ROBO1: variants seen among roughly 807,000 people sequenced by gnomAD.
The protein encoded by ROBO1 is roundabout homolog 1.
Under a neutral mutation model 195.9 loss-of-function variants are expected in ROBO1, and 149 were observed. That is an observed-to-expected ratio of 0.76 (90% CI 0.67 to 0.87). The LOEUF is 0.87. Among genes scored for constraint, ROBO1 ranks in the 40% least tolerant of loss-of-function variants. The pLI is 0.00. For synonymous variants in ROBO1, 816 were observed against 733.2 expected (o/e 1.11, Z -1.82); for missense variants, 1,933 against 2,068.3 (o/e 0.93, Z 1.27).
At chr3:78,819,036 C>T (rs775224332) in intron 4 of ROBO1, among the ~76,000 whole-genome samples, 4 of 152,100 alleles carry the variant, frequency 2.6e-5, no homozygotes, top group African/African-American at 7.2e-5. Context: ...GGGTTTGGTA[C>T]TATCTGCCGT....
Position 78,908,303 on chromosome 3 carries a change from C to G in ROBO1, c.499+30298G>C, listed in dbSNP as rs138205851. ...CTAATTTTTTACCAACATAACCTAC[C>G]ATCAAGAAAACCAGCTATTTCCCAC... On this transcript the variant is annotated intron_variant, in intron 4 of 30. Coordinates refer to ENST00000464233, the MANE Select transcript of ROBO1 (RefSeq NM_002941.4). Among the ~76,000 whole-genome samples, 601 of 151,968 alleles carry G rather than the reference C, an allele frequency of 4.0e-3. 13 individuals are homozygous for G. Among genetic ancestry groups the G allele is most frequent in the African/African-American group, 0.012 (517 of 41,514 alleles).
intron 2 of ROBO1, among the ~76,000 whole-genome samples, chr3:79,283,845 C>A (rs1032102265): frequency 6.6e-6 from 1 of 151,526 alleles, no homozygotes; most frequent in Non-Finnish European, 1.5e-5. Flanking sequence ...CTACAGGCGC[C>A]CGCTACCACG....
chr3:79,731,103 C>T (rs1318929831), intron 1 of ROBO1, among the ~76,000 whole-genome samples: 3 of 152,028 alleles, frequency 2.0e-5, no homozygotes, highest in Non-Finnish European at 2.9e-5. Flanking sequence ...TTTAAAATAA[C>T]GGTGATAGTC....
chr3:78,606,958 C>T lies in ROBO1; in HGVS notation c.4519G>A (p.Val1507Met). The change falls in exon 29 of 31, where the codon GTG becomes ATG. Residue 1507 changes from valine (V) to methionine (M), a missense_variant. Val to Met is a conservative substitution (Grantham distance 21). Coordinates refer to ENST00000464233, the MANE Select transcript of ROBO1 (RefSeq NM_002941.4). ...SKTQLEVRPV[V>M]VPKLPSMDAR... ...TCCATAGAAGGGAGTTTTGGCACCA[C>T]TACAGGTCGTACTTCCAGCTGTGTC... 1 of 1,613,880 alleles carries T rather than the reference C, an allele frequency of 6.2e-7. No individual in the cohort carries two copies. The highest frequency in any genetic ancestry group is 8.5e-7 in the Non-Finnish European group (1 of 1,179,868).
chr3:79,273,322 A>G (rs1390071375), intron 2 of ROBO1, among the ~76,000 whole-genome samples: 1 of 152,094 alleles, frequency 6.6e-6, no homozygotes, highest in Non-Finnish European at 1.5e-5. Flanking sequence ...ACATAATGTA[A>G]TAAGATATAA....
chr3:78,680,768 A>C lies in ROBO1; in HGVS notation c.1342+4978T>G, dbSNP rs1006518930. On this transcript the variant is annotated intron_variant, in intron 10 of 30. Coordinates refer to ENST00000464233, the MANE Select transcript of ROBO1 (RefSeq NM_002941.4). ...AACTAGTTCAACCATTGTGGAAGTC[A>C]GTGTGGCGATTCCTCAGGGATCTAG... Among the ~76,000 whole-genome samples the C allele has an allele frequency of 3.6e-3, 533 of 146,798 alleles. 8 individuals are homozygous for C. Among genetic ancestry groups the C allele is most frequent in the African/African-American group, 0.012 (484 of 38,772 alleles).
At chr3:79,020,778 T>C (rs2078084375) in intron 3 of ROBO1, among the ~76,000 whole-genome samples, 1 of 152,106 alleles carries the variant, frequency 6.6e-6, no homozygotes, top group African/African-American at 2.4e-5. Context: ...AATTAATATC[T>C]ACAGAGTTGT....
At chr3:79,608,437 CTA>C (rs1170811427) in intron 1 of ROBO1, among the ~76,000 whole-genome samples, 1 of 151,956 alleles carries the variant, frequency 6.6e-6, no homozygotes, top group Non-Finnish European at 1.5e-5. Context: ...GAAAGTGTCA[CTA>C]TGAGTATGAG....
chr3:79,665,941 C>G (rs1946464497), intron 1 of ROBO1, among the ~76,000 whole-genome samples: 1 of 151,684 alleles, frequency 6.6e-6, no homozygotes, highest in South Asian at 2.1e-4. Flanking sequence ...ACTGTGGCTA[C>G]CTGGTGTGTA....
At chr3:78,750,962 C>T (rs565178143) in intron 4 of ROBO1, among the ~76,000 whole-genome samples, 1 of 152,166 alleles carries the variant, frequency 6.6e-6, no homozygotes, top group Non-Finnish European at 1.5e-5. Context: ...TTGTTTACCA[C>T]GTGACTATTG....
intron 1 of ROBO1, among the ~76,000 whole-genome samples, chr3:79,728,129 G>T (rs1023320030): frequency 1.9e-4 from 3 of 16,070 alleles, no homozygotes; most frequent in African/African-American, 5.1e-4. Flanking sequence ...TGTATATTTA[G>T]ATATATCCCC....
chr3:78,672,257 C>CA (rs1708106375), intron 10 of ROBO1, among the ~76,000 whole-genome samples: 1 of 151,436 alleles, frequency 6.6e-6, no homozygotes, highest in African/African-American at 2.4e-5. Flanking sequence ...ACAACAACAA[C>CA]AACAAAAAAA....
intron 2 of ROBO1, among the ~76,000 whole-genome samples, chr3:79,312,660 G>A (rs1461920650): frequency 6.6e-6 from 1 of 152,088 alleles, no homozygotes; most frequent in African/African-American, 2.4e-5. Flanking sequence ...CTCTGAACTT[G>A]GAGTAGGAGT....
intron 3 of ROBO1, among the ~76,000 whole-genome samples, chr3:79,085,764 C>CT (rs1257205657): frequency 1.3e-5 from 2 of 152,104 alleles, no homozygotes; most frequent in African/African-American, 2.4e-5. Flanking sequence ...AAGAGAAACT[C>CT]TGCTTAGTCA....
intron 2 of ROBO1, among the ~76,000 whole-genome samples, chr3:79,459,593 A>C (rs2039733421): frequency 6.6e-6 from 1 of 152,126 alleles, no homozygotes; most frequent in Non-Finnish European, 1.5e-5. Flanking sequence ...TACCATTTAA[A>C]AGTAATCTTT....
At chr3:78,991,868 T>C (rs1299328088) in intron 3 of ROBO1, among the ~76,000 whole-genome samples, 5 of 152,040 alleles carry the variant, frequency 3.3e-5, no homozygotes, top group African/African-American at 1.2e-4. Context: ...AACTCAGGCA[T>C]CATAGAAGAA....
chr3:78,834,949 T>C (rs1000797776), intron 4 of ROBO1, among the ~76,000 whole-genome samples: 4 of 152,156 alleles, frequency 2.6e-5, no homozygotes, highest in African/African-American at 9.6e-5. Context: ...GACATGAAAT[T>C]AAAAAGTGTA....
At chr3:79,573,817 C>G (rs1178599754) in intron 2 of ROBO1, among the ~76,000 whole-genome samples, 1 of 152,044 alleles carries the variant, frequency 6.6e-6, no homozygotes, top group East Asian at 1.9e-4. Context: ...TTTGATCAAT[C>G]AAAAACCCAA....
chr3:79,563,845 A>G (rs139502047), intron 2 of ROBO1, among the ~76,000 whole-genome samples: 5,753 of 152,148 alleles, frequency 0.038, 137 homozygotes, highest in African/African-American at 0.049. Flanking sequence ...TCTACCATAA[A>G]CATTACTTAA....
Sources: gnomAD v4.1 joint callset for allele counts (sites outside exome capture counted in the v4.1 genomes callset) on GRCh38, gnomAD v4.1.1 for gene constraint, MANE v1.5 for transcripts, NCBI Gene and HGNC (gene_info 2026-07-23, HGNC 2026-07-21) for gene names.